The following EXOC6B variants were observed in gnomAD, a reference collection of about 807,000 sequenced individuals.
EXOC6B encodes the protein exocyst complex component 6B.
EXOC6B carries 54 observed loss-of-function variants against 113.5 expected under a neutral mutation model. The observed-to-expected ratio is 0.48, with a 90% CI of 0.38 to 0.60. The LOEUF is 0.60. Ranked by LOEUF, EXOC6B falls within the 20% of genes least tolerant of loss-of-function variation. The pLI, the probability that EXOC6B is intolerant of heterozygous loss-of-function variation, is 0.00. For synonymous variants in EXOC6B, 357 were observed against 339.0 expected (o/e 1.05, Z -0.58); for missense variants, 797 against 977.5 (o/e 0.82, Z 2.46).
chr2:72,447,937 C>A (rs1254859554), intron 18 of EXOC6B, among the ~76,000 whole-genome samples: 1 of 152,274 alleles, frequency 6.6e-6, no homozygotes, highest in African/African-American at 2.4e-5. Context: ...TAAATGATTT[C>A]TTGGCCATCA....
intron 6 of EXOC6B, among the ~76,000 whole-genome samples, chr2:72,638,006 CA>C (rs1345524861): frequency 3.3e-5 from 5 of 151,902 alleles, no homozygotes; most frequent in African/African-American, 1.2e-4. Context: ...AAATAAAAAT[CA>C]AATCAAAGCA....
chr2:72,707,025 G>C (rs1197780381), intron 6 of EXOC6B, among the ~76,000 whole-genome samples: 3 of 152,034 alleles, frequency 2.0e-5, no homozygotes, highest in Non-Finnish European at 2.9e-5. Context: ...GTGAATGAAG[G>C]GGCCCCCTTC....
intron 18 of EXOC6B, chr2:72,461,807 GGT>G (rs1245369371): frequency 1.3e-5 from 2 of 151,868 alleles, no homozygotes; most frequent in African/African-American, 4.8e-5. Context: ...CCTAGCAGCA[GGT>G]ATGAAAATAC....
At chr2:72,519,833 C>T (rs1701397438) in intron 8 of EXOC6B, among the ~76,000 whole-genome samples, 1 of 152,150 alleles carries the variant, frequency 6.6e-6, no homozygotes, top group African/African-American at 2.4e-5. Flanking sequence ...GAATCATAAT[C>T]ATTAGCAGAG....
intron 20 of EXOC6B, among the ~76,000 whole-genome samples, chr2:72,188,879 C>T (rs6738803): frequency 0.047 from 7,212 of 152,190 alleles, 556 homozygotes; most frequent in African/African-American, 0.16. Flanking sequence ...AATATTCTAC[C>T]CCACATGCTC....
At chr2:72,304,627 CAGA>C (rs1686720212) in intron 20 of EXOC6B, among the ~76,000 whole-genome samples, 1 of 152,088 alleles carries the variant, frequency 6.6e-6, no homozygotes, top group Admixed American at 6.5e-5. Flanking sequence ...GACTTTGGAG[CAGA>C]AGGAGTAAAC....
intron 6 of EXOC6B, among the ~76,000 whole-genome samples, chr2:72,606,381 G>A (rs1378246972): frequency 6.6e-6 from 1 of 151,770 alleles, no homozygotes; most frequent in African/African-American, 2.4e-5. Context: ...GGCCTATGAA[G>A]TAAACAGTAA....
rs1463804313 is a variant in EXOC6B at position 72,473,832 on chromosome 2, G to T, written c.1800+6784C>A. 4.6e-5 allele frequency among the ~76,000 whole-genome samples: 7 copies of T among 151,844 alleles called. 1 individual carries two copies. The stretch of plus-strand genomic sequence containing the variant: ...TTTGAGTCCTTTCTCTTCTTCATTT[G>T]TTTGTTTGCTTTACCAGTGAGTTTT... On this transcript the variant is annotated intron_variant, in intron 17 of 21. Transcript: ENST00000272427.
intron 17 of EXOC6B, among the ~76,000 whole-genome samples, chr2:72,467,503 T>A (rs1355364840): frequency 6.6e-6 from 1 of 152,200 alleles, no homozygotes; most frequent in African/African-American, 2.4e-5. Flanking sequence ...ACCATTTGTC[T>A]TTTTGATAAT....
chr2:72,266,354 C>T (rs1176924405), intron 20 of EXOC6B, among the ~76,000 whole-genome samples: 5 of 148,168 alleles, frequency 3.4e-5, no homozygotes, highest in African/African-American at 7.4e-5. Context: ...AATGGTAATG[C>T]CTAGGTTTTC....
intron 6 of EXOC6B, among the ~76,000 whole-genome samples, chr2:72,674,681 A>G (rs1219477085): frequency 1.3e-5 from 2 of 151,968 alleles, no homozygotes; most frequent in Non-Finnish European, 2.9e-5. Flanking sequence ...AATACAAAAA[A>G]TTAGCCGGGC....
At chr2:72,407,203 T>C (rs1481172308) in intron 18 of EXOC6B, among the ~76,000 whole-genome samples, 1 of 152,144 alleles carries the variant, frequency 6.6e-6, no homozygotes, top group Non-Finnish European at 1.5e-5. Flanking sequence ...TAACAGGCTC[T>C]GAAATTGAGG....
intron 19 of EXOC6B, among the ~76,000 whole-genome samples, chr2:72,371,508 C>G (rs1691013805): frequency 6.6e-6 from 1 of 152,084 alleles, no homozygotes; most frequent in South Asian, 2.1e-4. Context: ...GGGATTTATC[C>G]CCGGGATGCA....
At chr2:72,276,712 A>G (rs1234614818) in intron 20 of EXOC6B, among the ~76,000 whole-genome samples, 2 of 152,204 alleles carry the variant, frequency 1.3e-5, no homozygotes, top group Non-Finnish European at 2.9e-5. Flanking sequence ...AATGATATAA[A>G]TGACTCAACT....
chr2:72,666,418 A>G (rs368518350), intron 6 of EXOC6B, among the ~76,000 whole-genome samples: 2 of 151,928 alleles, frequency 1.3e-5, no homozygotes, highest in African/African-American at 2.4e-5. Context: ...CAATTAATTT[A>G]AAAAAAATTA....
Position 72,559,477 on chromosome 2 carries a change from T to G in EXOC6B, c.891A>C (p.Arg297=), listed in dbSNP as rs1305612874. The G allele has an allele frequency of 6.2e-7, 1 of 1,612,824 alleles. No individual in the cohort carries two copies. Among genetic ancestry groups the G allele is most frequent in the East Asian group, 2.2e-5 (1 of 44,782 alleles). Residue 297 remains arginine (R), a synonymous_variant, in exon 8 of 22, where the codon CGA becomes CGC. Coordinates refer to ENST00000272427, the MANE Select transcript of EXOC6B (RefSeq NM_015189.3). ...CCAGGACAGAATATATATGTAGACA[T>G]CGATAAACTGGAGAGAAATCCACCA... ...QDLVDFSPVY[R]CLHIYSVLGA...
chr2:72,776,760 T>C (rs1172550516), intron 1 of EXOC6B, among the ~76,000 whole-genome samples: 1 of 152,058 alleles, frequency 6.6e-6, no homozygotes, highest in Non-Finnish European at 1.5e-5. Flanking sequence ...ATACAATATA[T>C]AACAGTAGTT....
rs1197697826 is a variant in EXOC6B, at chr2:72,744,741, T to C, written c.114-3272A>G. Among the ~76,000 whole-genome samples the C allele has an allele frequency of 4.6e-5, 7 of 152,196 alleles. 1 individual carries two copies. The highest frequency in any genetic ancestry group is 4.6e-4 in the Admixed American group (7 of 15,278). Reference sequence around the variant, plus strand: ...TTCTACTGGGTAAAACTTCTTTTCATTTCTTCCCTCCAGAGATCTACGGTA... The same window carrying C: ...TTCTACTGGGTAAAACTTCTTTTCACTTCTTCCCTCCAGAGATCTACGGTA... On this transcript the variant is annotated intron_variant, in intron 1 of 21. Coordinates refer to ENST00000272427, the MANE Select transcript of EXOC6B (RefSeq NM_015189.3).
intron 6 of EXOC6B, among the ~76,000 whole-genome samples, chr2:72,612,182 C>T (rs375215473): frequency 2.6e-5 from 4 of 151,570 alleles, no homozygotes; most frequent in African/African-American, 9.7e-5. Context: ...GGCTGAGGCA[C>T]GAGAATGGTT....
Sources: allele counts gnomAD v4.1 joint callset (sites outside exome capture counted in the v4.1 genomes callset), GRCh38; gene constraint gnomAD v4.1.1; transcripts MANE v1.5; gene names NCBI Gene and HGNC (gene_info 2026-07-23, HGNC 2026-07-21).